The following NRXN1 variants were observed in gnomAD, a reference collection of about 807,000 sequenced individuals.
The protein encoded by NRXN1 is neurexin 1, also known as neurexin-1.
NRXN1 carries 39 observed loss-of-function variants against 150.9 expected under a neutral mutation model. The observed-to-expected ratio is 0.26, with a 90% CI of 0.20 to 0.34. NRXN1 has a LOEUF of 0.34. Among genes scored for constraint, NRXN1 ranks in the 10% least tolerant of loss-of-function variants. NRXN1 has a pLI of 1.00. For synonymous variants in NRXN1, 924 were observed against 757.0 expected, an observed-to-expected ratio of 1.22 and a Z score of -3.62; for missense variants, 1,815 against 1,949.9, an observed-to-expected ratio of 0.93 and a Z score of 1.30.
intron 5 of NRXN1, among the ~76,000 whole-genome samples, chr2:50,812,042 T>C (rs528909934): frequency 6.6e-6 from 1 of 152,254 alleles, no homozygotes; most frequent in African/African-American, 2.4e-5. Context: ...AGATGTTAAG[T>C]CTTACCTCTG....
At chr2:50,449,766 T>G (rs147925382) in intron 17 of NRXN1, among the ~76,000 whole-genome samples, 7 of 152,318 alleles carry the variant, frequency 4.6e-5, no homozygotes, top group African/African-American at 1.4e-4. Flanking sequence ...CTCTTGTGTA[T>G]GAGCTCCTTG....
At chr2:50,624,802 CTTT>C (rs369431654) in intron 5 of NRXN1, 7 of 151,958 alleles carry the variant, frequency 4.6e-5, no homozygotes, top group African/African-American at 1.7e-4. Context: ...GTATCTTATT[CTTT>C]ACCAGATTTA....
intron 8 of NRXN1, among the ~76,000 whole-genome samples, chr2:50,576,658 T>C (rs1158363851): frequency 6.6e-6 from 1 of 152,132 alleles, no homozygotes; most frequent in African/African-American, 2.4e-5. Context: ...AGTTCTCTTT[T>C]ATACATTCTA....
intron 18 of NRXN1, among the ~76,000 whole-genome samples, chr2:50,113,481 T>A (rs1702639199): frequency 6.6e-6 from 1 of 152,194 alleles, no homozygotes; most frequent in African/African-American, 2.4e-5. Context: ...TCCATGGAAG[T>A]TCTGTAATCT....
chr2:50,274,631 A>G (rs1222443113), intron 17 of NRXN1, among the ~76,000 whole-genome samples: 1 of 152,196 alleles, frequency 6.6e-6, no homozygotes, highest in Non-Finnish European at 1.5e-5. Context: ...AAAATCTGTA[A>G]AAATAGACAT....
At chr2:50,435,752 T>G (rs1172047079) in intron 17 of NRXN1, among the ~76,000 whole-genome samples, 1 of 152,090 alleles carries the variant, frequency 6.6e-6, no homozygotes, top group Non-Finnish European at 1.5e-5. Flanking sequence ...AGCTAAACAT[T>G]GAGAACACAT....
chr2:50,311,539 C>T (rs535367751), intron 17 of NRXN1, among the ~76,000 whole-genome samples: 3 of 151,988 alleles, frequency 2.0e-5, no homozygotes, highest in African/African-American at 4.8e-5. Flanking sequence ...TTGTGTACTC[C>T]CCTCACAGCC....
chr2:50,370,893 T>C (rs1382930534), intron 17 of NRXN1, among the ~76,000 whole-genome samples: 1 of 152,036 alleles, frequency 6.6e-6, no homozygotes, highest in Non-Finnish European at 1.5e-5. Flanking sequence ...TTGAGATTAC[T>C]AAAGACAGTC....
chr2:50,072,074 TTAATG>T (rs1458786032), intron 19 of NRXN1, among the ~76,000 whole-genome samples: 1 of 152,200 alleles, frequency 6.6e-6, no homozygotes, highest in Non-Finnish European at 1.5e-5. Context: ...TGTAGTTCCA[TTAATG>T]TATATAGAAC....
chr2:50,167,726 T>G (rs1460425704), intron 18 of NRXN1, among the ~76,000 whole-genome samples: 1 of 152,228 alleles, frequency 6.6e-6, no homozygotes, highest in Non-Finnish European at 1.5e-5. Context: ...TAGGGACCTT[T>G]AACAAATTTT....
At chr2:50,382,499 T>C (rs2081043592) in intron 17 of NRXN1, among the ~76,000 whole-genome samples, 1 of 152,138 alleles carries the variant, frequency 6.6e-6, no homozygotes, top group African/African-American at 2.4e-5. Context: ...ACTGGTTTCT[T>C]CAAAAGTATA....
chr2:50,665,497 C>T (rs1179085337), intron 5 of NRXN1, among the ~76,000 whole-genome samples: 1 of 151,832 alleles, frequency 6.6e-6, no homozygotes, highest in Admixed American at 6.6e-5. Flanking sequence ...GATCTATTGG[C>T]AATCCCCTCA....
chr2:50,321,472 A>G (rs958471752), intron 17 of NRXN1, among the ~76,000 whole-genome samples: 2 of 152,216 alleles, frequency 1.3e-5, no homozygotes, highest in African/African-American at 2.4e-5. Flanking sequence ...GACCAGTAAC[A>G]TAATGTATAC....
chr2:50,050,237 T>A (rs1372304803), intron 21 of NRXN1, among the ~76,000 whole-genome samples: 1 of 151,828 alleles, frequency 6.6e-6, no homozygotes, highest in African/African-American at 2.4e-5. Context: ...GATATTTTGA[T>A]GAACACTACT....
intron 17 of NRXN1, among the ~76,000 whole-genome samples, chr2:50,267,044 ATCCCTTG>A (rs2068982957): frequency 6.6e-6 from 1 of 152,226 alleles, no homozygotes; most frequent in African/African-American, 2.4e-5. Flanking sequence ...TGCCAGAGCA[ATCCCTTG>A]TATAGGCTAC....
chr2:50,596,061 TG>T (rs993801470), intron 8 of NRXN1, among the ~76,000 whole-genome samples: 7 of 152,218 alleles, frequency 4.6e-5, no homozygotes, highest in Admixed American at 4.6e-4. Flanking sequence ...TTTGTTTTGA[TG>T]GCACTGTTAT....
chr2:50,718,144 G>A (rs541782896), intron 5 of NRXN1, among the ~76,000 whole-genome samples: 1 of 152,212 alleles, frequency 6.6e-6, no homozygotes, highest in East Asian at 1.9e-4. Flanking sequence ...GCACAGCATA[G>A]GTTAAATGCA....
intron 5 of NRXN1, among the ~76,000 whole-genome samples, chr2:50,812,795 G>C (rs567264288): frequency 1.6e-4 from 22 of 141,906 alleles, no homozygotes; most frequent in South Asian, 6.7e-4. Context: ...AGGGGAAAGA[G>C]AAAGCAAAAA....
At chr2:50,204,765 A>G (rs936331145) in intron 18 of NRXN1, among the ~76,000 whole-genome samples, 2 of 152,010 alleles carry the variant, frequency 1.3e-5, no homozygotes, top group Non-Finnish European at 2.9e-5. Context: ...AATTAGACAC[A>G]CTCAGGAGCC....
Sources: allele counts gnomAD v4.1 joint callset (sites outside exome capture counted in the v4.1 genomes callset), GRCh38; gene constraint gnomAD v4.1.1; transcripts MANE v1.5; gene names NCBI Gene and HGNC (gene_info 2026-07-23, HGNC 2026-07-21).